The following CCDC102B variants were observed in gnomAD, a reference collection of about 807,000 sequenced individuals.
The protein encoded by CCDC102B is coiled-coil domain-containing protein 102B.
CCDC102B carries 75 observed loss-of-function variants against 57.4 expected under a neutral mutation model. The observed-to-expected ratio is 1.31, with a 90% CI of 1.08 to 1.58. The LOEUF is 1.58. Ranked by LOEUF, CCDC102B falls within the 40% of genes most tolerant of loss-of-function variation. CCDC102B has a pLI of 0.00. For missense variants in CCDC102B, 636 were observed against 582.6 expected, an observed-to-expected ratio of 1.09 and a Z score of -0.94; for synonymous variants, 206 against 201.9, an observed-to-expected ratio of 1.02 and a Z score of -0.17.
intron 2 of CCDC102B, among the ~76,000 whole-genome samples, chr18:68,749,825 C>G (rs901807990): frequency 3.3e-5 from 5 of 152,114 alleles, no homozygotes; most frequent in African/African-American, 9.7e-5. Context: ...ACCATAAAAA[C>G]CCTAGAATAA....
At chr18:68,896,779 TAGAG>T (rs2040258033) in intron 5 of CCDC102B, among the ~76,000 whole-genome samples, 1 of 151,930 alleles carries the variant, frequency 6.6e-6, no homozygotes. Context: ...GATAGAGAGA[TAGAG>T]ATAGAGAGAT....
At chr18:68,838,960 C>T in intron 3 of CCDC102B, 34 bp downstream of exon 3, 3 of 1,546,876 alleles carry the variant, frequency 1.9e-6, no homozygotes, top group Non-Finnish European at 2.7e-6. Flanking sequence ...TTAACCAAGT[C>T]TAAGTTTCAA....
intron 2 of CCDC102B, among the ~76,000 whole-genome samples, chr18:68,777,447 A>T (rs1347696312): frequency 6.6e-6 from 1 of 152,184 alleles, no homozygotes; most frequent in Non-Finnish European, 1.5e-5. Context: ...TACCTTCACA[A>T]TGAAAGTTGA....
At chr18:68,936,627 C>G (rs2145154743) in intron 6 of CCDC102B, among the ~76,000 whole-genome samples, 1 of 151,826 alleles carries the variant, frequency 6.6e-6, no homozygotes, top group East Asian at 1.9e-4. Context: ...CTAAGGACTT[C>G]AAATTAGCAT....
At chr18:68,911,602 A>T (rs1318276792) in intron 6 of CCDC102B, among the ~76,000 whole-genome samples, 5 of 149,884 alleles carry the variant, frequency 3.3e-5, no homozygotes, top group Non-Finnish European at 7.4e-5. Flanking sequence ...AATACAAAAA[A>T]TTAGCCGGGC....
chr18:69,019,390 A>G (rs1203610022), intron 7 of CCDC102B, among the ~76,000 whole-genome samples: 2 of 151,934 alleles, frequency 1.3e-5, no homozygotes, highest in Admixed American at 6.6e-5. Flanking sequence ...TCTTTTATCA[A>G]TGTCATAGTT....
chr18:68,842,701 T>C (rs771541862), intron 3 of CCDC102B, among the ~76,000 whole-genome samples: 1 of 152,128 alleles, frequency 6.6e-6, no homozygotes, highest in South Asian at 2.1e-4. Context: ...CTGTCCCGTA[T>C]TGGTGATCTT....
At chr18:68,886,894 C>T (rs2039907158) in intron 5 of CCDC102B, among the ~76,000 whole-genome samples, 1 of 151,992 alleles carries the variant, frequency 6.6e-6, no homozygotes. Context: ...TAATAATCTG[C>T]TCTTAGAAAC....
chr18:68,781,836 G>T (rs1599451467), intron 2 of CCDC102B, among the ~76,000 whole-genome samples: 1 of 151,940 alleles, frequency 6.6e-6, no homozygotes, highest in Non-Finnish European at 1.5e-5. Context: ...CTGAGCCTTT[G>T]TAGATTATTT....
chr18:69,007,236 T>C (rs2051375023), intron 6 of CCDC102B, among the ~76,000 whole-genome samples: 1 of 152,190 alleles, frequency 6.6e-6, no homozygotes, highest in South Asian at 2.1e-4. Context: ...AGAGGCACTC[T>C]ATGAACACAG....
intron 1 of CCDC102B, among the ~76,000 whole-genome samples, chr18:68,801,552 G>A (rs1481116547): frequency 1.3e-5 from 2 of 151,830 alleles, no homozygotes; most frequent in East Asian, 1.9e-4. Flanking sequence ...AAAGAAAAAG[G>A]TGTCCTTAAT....
chr18:68,924,634 A>C (rs549886201), intron 6 of CCDC102B, among the ~76,000 whole-genome samples: 1 of 152,162 alleles, frequency 6.6e-6, no homozygotes, highest in South Asian at 2.1e-4. Flanking sequence ...AATCCTCTGG[A>C]TGCTCAGCTT....
intron 2 of CCDC102B, among the ~76,000 whole-genome samples, chr18:68,751,061 A>G (rs903627036): frequency 6.6e-6 from 1 of 152,292 alleles, no homozygotes; most frequent in East Asian, 1.9e-4. Context: ...AAAATAATCT[A>G]TCATGCTGCA....
chr18:69,050,600 T>C (rs2052680382), intron 7 of CCDC102B, among the ~76,000 whole-genome samples: 1 of 152,198 alleles, frequency 6.6e-6, no homozygotes. Context: ...TACCACATAA[T>C]GCAATCTATA....
intron 7 of CCDC102B, among the ~76,000 whole-genome samples, chr18:69,044,618 T>C (rs2052513410): frequency 6.6e-6 from 1 of 152,182 alleles, no homozygotes; most frequent in Non-Finnish European, 1.5e-5. Flanking sequence ...AAGATTTTAA[T>C]AGTTAATTTA....
chr18:68,929,831 C>T (rs755733887), intron 6 of CCDC102B, among the ~76,000 whole-genome samples: 41 of 151,212 alleles, frequency 2.7e-4, no homozygotes, highest in Middle Eastern at 3.4e-3. Context: ...GTATATAATA[C>T]ACACACACAC....
rs572959331 is a variant in CCDC102B at position 68,774,296 on chromosome 18, A to G, written c.-66-49070A>G. Among the ~76,000 whole-genome samples, 238 of 151,462 alleles carry G rather than the reference A, an allele frequency of 1.6e-3. 1 individual carries two copies. The highest frequency in any genetic ancestry group is 3.7e-3 in the Admixed American group (56 of 15,160). ...TATATGTATATGTTTATAAATAAGT[A>G]TAGTTTTATATAATAATTATATATG... On this transcript the variant is annotated intron_variant, in intron 2 of 3. Coordinates refer to the CCDC102B transcript ENST00000578970.
At chr18:68,728,113 A>G (rs955055075) in intron 2 of CCDC102B, among the ~76,000 whole-genome samples, 1 of 152,176 alleles carries the variant, frequency 6.6e-6, no homozygotes, top group Non-Finnish European at 1.5e-5. Context: ...AAATGAGTGG[A>G]CATTCTGGAG....
At chr18:69,033,397 T>C (rs7235415) in intron 7 of CCDC102B, among the ~76,000 whole-genome samples, 11,844 of 152,172 alleles carry the variant, frequency 0.078, 1,550 homozygotes, top group African/African-American at 0.27. Context: ...TTTAAAACAG[T>C]GTCATCATCT....
Sources: allele counts gnomAD v4.1 joint callset (sites outside exome capture counted in the v4.1 genomes callset), GRCh38; gene constraint gnomAD v4.1.1; transcripts MANE v1.5; gene names NCBI Gene and HGNC (gene_info 2026-07-23, HGNC 2026-07-21).